LVRN: variants seen among roughly 807,000 people sequenced by gnomAD.
LVRN encodes aminopeptidase Q.
LVRN carries 99 observed loss-of-function variants against 111.4 expected under a neutral mutation model. The ratio of observed to expected loss-of-function variants is 0.89; its 90% confidence interval spans 0.76 to 1.05. LVRN has a LOEUF of 1.05. LVRN is among the 50% of genes least tolerant of loss of function. LVRN has a pLI of 0.00. For synonymous variants in LVRN, 488 were observed against 449.5 expected (o/e 1.09, Z -1.08); for missense variants, 1,414 against 1,206.8 (o/e 1.17, Z -2.54).
chr5:116,000,661 A>G lies in LVRN; in HGVS notation c.1647+3A>G, dbSNP rs748507848. On this transcript the variant is annotated splice_donor_region_variant and intron_variant, in intron 9 of 19. Coordinates refer to ENST00000357872, the MANE Select transcript of LVRN (RefSeq NM_173800.5). ...ATCTATGGAGGCATTTTCAAATGGT[A>G]ATTGTCCTACTTTCTGACACATTCT... 7 of 1,613,298 alleles carry G rather than the reference A, an allele frequency of 4.3e-6. No homozygotes were observed. The highest frequency in any genetic ancestry group is 5.9e-6 in the Non-Finnish European group (7 of 1,179,436).
At chr5:115,967,172 A>G (rs1753221020) in intron 1 of LVRN, among the ~76,000 whole-genome samples, 1 of 152,128 alleles carries the variant, frequency 6.6e-6, no homozygotes, top group African/African-American at 2.4e-5. Context: ...ATGAAGTCCA[A>G]TTTGTCTATT....
At position 115,963,115 on chromosome 5, in the gene LVRN, T is replaced by C; in HGVS notation, c.498T>C (p.Thr166=). ...TGCGGGGACCCCTTTCCCCGGGCACTGGGAACGCCACAGTGGGCCGCGTGC... is the reference window on the plus strand; with the variant it reads ...TGCGGGGACCCCTTTCCCCGGGCACCGGGAACGCCACAGTGGGCCGCGTGC... The part of the protein sequence containing the change: ...AEVRGPLSPG[T]GNATVGRVPV... The change falls in exon 1 of 20, where the codon ACT becomes ACC. Residue 166 remains threonine (T), a synonymous_variant. Coordinates refer to ENST00000357872, the MANE Select transcript of LVRN (RefSeq NM_173800.5). The C allele has an allele frequency of 4.3e-6, 7 of 1,613,532 alleles. No homozygotes were observed. The highest frequency in any genetic ancestry group is 1.3e-5 in the African/African-American group (1 of 75,056).
Position 116,026,000 on chromosome 5 carries a change from T to C in LVRN, c.2855T>C (p.Met952Thr), listed in dbSNP as rs755936360. Reference protein sequence around the residue: ...IVELQQFFSNMLEEHQRIRVH... With the variant: ...IVELQQFFSNTLEEHQRIRVH... Reference sequence around the variant, plus strand: ...CAGCTGCAGCAGTTTTTCAGTAACATGTTGGAGGAACACCAGAGGATCAGA... The same window carrying C: ...CAGCTGCAGCAGTTTTTCAGTAACACGTTGGAGGAACACCAGAGGATCAGA... Residue 952 changes from methionine to threonine, a missense_variant, in exon 20 of 20, where the codon ATG becomes ACG. By Grantham distance (81) the Met-to-Thr change is moderately conservative (BLOSUM62 -1). Transcript: ENST00000357872. The C allele has an allele frequency of 8.7e-6, 14 of 1,613,776 alleles. No individual in the cohort carries two copies. In the Admixed American group the frequency reaches 2.2e-4, roughly 25 times the overall value.
intron 5 of LVRN, 125 bp downstream of exon 5, chr5:115,992,402 G>A (rs1748016637): frequency 3.7e-6 from 4 of 1,094,254 alleles, no homozygotes; most frequent in African/African-American, 1.6e-5. Flanking sequence ...ACATCTCAAA[G>A]TATGACAGTG....
chr5:115,985,229 T>A (rs1747831211), intron 3 of LVRN, among the ~76,000 whole-genome samples: 1 of 152,100 alleles, frequency 6.6e-6, no homozygotes. Context: ...GAAATGGCCA[T>A]ATAAACAAAG....
At chr5:115,988,109 T>C (rs7736859) in intron 4 of LVRN, among the ~76,000 whole-genome samples, 170 bp downstream of exon 4, 147,053 of 152,254 alleles carry the variant, frequency 0.97, 71,041 homozygotes, top group East Asian at 1. Context: ...ACACAGAGGC[T>C]CACCTGCTCT....
chr5:115,969,642 G>A lies in LVRN; in HGVS notation c.695+6330G>A, dbSNP rs567505628. Among the ~76,000 whole-genome samples the A allele has an allele frequency of 9.9e-5, 15 of 151,120 alleles. No homozygotes were observed. In the South Asian group the frequency reaches 1.0e-3, roughly 11 times the overall value. ...GAAACCCCGTCTCTACTAAAAATAC[G>A]AAAAAAAATTATCCAGGTGTGGTGG... On this transcript the variant is annotated intron_variant, in intron 1 of 19. Transcript: ENST00000357872.
intron 4 of LVRN, among the ~76,000 whole-genome samples, chr5:115,988,938 G>A (rs948798708): frequency 3.3e-5 from 5 of 152,114 alleles, no homozygotes; most frequent in Non-Finnish European, 5.9e-5. Flanking sequence ...GAAGTCCAGA[G>A]TCATCCTTGA....
At chr5:115,971,328 C>T (rs1341859606) in intron 1 of LVRN, among the ~76,000 whole-genome samples, 2 of 152,132 alleles carry the variant, frequency 1.3e-5, no homozygotes, top group East Asian at 3.8e-4. Flanking sequence ...AGAAGTTTTA[C>T]ATTTTAATGA....
chr5:115,978,609 CT>C (rs1407843261), intron 1 of LVRN, among the ~76,000 whole-genome samples: 3 of 152,088 alleles, frequency 2.0e-5, no homozygotes, highest in Non-Finnish European at 4.4e-5. Context: ...ATATTCAAAC[CT>C]TTGAACTTAA....
chr5:115,981,190 A>C (rs1753552800), intron 1 of LVRN, among the ~76,000 whole-genome samples: 1 of 152,190 alleles, frequency 6.6e-6, no homozygotes, highest in South Asian at 2.1e-4. Flanking sequence ...CATTATAACA[A>C]ACTCTGCCAA....
chr5:115,967,417 T>G (rs1753226705), intron 1 of LVRN, among the ~76,000 whole-genome samples: 1 of 152,236 alleles, frequency 6.6e-6, no homozygotes, highest in Admixed American at 6.5e-5. Context: ...GAATTGCTTT[T>G]GCACCTTTGT....
chr5:116,014,333 C>A, intron 15 of LVRN, 87 bp from the exon 16 acceptor site: 1 of 967,526 alleles, frequency 1.0e-6, no homozygotes, highest in Non-Finnish European at 1.6e-6. Context: ...AAATACCCAT[C>A]TTTTTATGAA....
At chr5:115,999,299 T>C (rs1053600485) in intron 6 of LVRN, among the ~76,000 whole-genome samples, 4 of 152,268 alleles carry the variant, frequency 2.6e-5, no homozygotes, top group African/African-American at 9.6e-5. Context: ...GGATTTATTT[T>C]CAATTTTAAA....
Position 115,962,637 on chromosome 5 carries a change from C to G in LVRN, c.20C>G (p.Ser7Ter). The part of the protein sequence containing the change: MGPPSS[S>*]GFYVSRAVAL... ...CCTGCCATGGGGCCCCCTTCCAGCT[C>G]AGGCTTCTATGTGAGCCGCGCAGTG... Residue 7 changes from serine (S) to a stop codon, truncating the protein, a stop_gained, in exon 1 of 20, where the codon TCA becomes TGA. Coordinates refer to ENST00000357872, the MANE Select transcript of LVRN (RefSeq NM_173800.5). LOFTEE classifies it high-confidence loss of function. 6.2e-7 allele frequency: 1 copy of G among 1,602,188 alleles called. No individual in the cohort carries two copies. The highest frequency in any genetic ancestry group is 1.3e-5 in the African/African-American group (1 of 74,900).
At chr5:116,022,313 C>A in intron 18 of LVRN, 78 bp from the exon 19 acceptor site, 1 of 960,436 alleles carries the variant, frequency 1.0e-6, no homozygotes, top group South Asian at 1.4e-5. Context: ...ATACACTTGA[C>A]CTTCATCTGC....
Position 115,999,756 on chromosome 5 carries a change from T to G in LVRN, c.1375-6T>G. 2 of 1,612,976 alleles carry G rather than the reference T, an allele frequency of 1.2e-6. No homozygotes were observed. The highest frequency in any genetic ancestry group is 1.7e-6 in the Non-Finnish European group (2 of 1,179,514). On this transcript the variant is annotated splice_polypyrimidine_tract_variant and splice_region_variant and intron_variant, in intron 6 of 19. Coordinates refer to ENST00000357872, the MANE Select transcript of LVRN (RefSeq NM_173800.5). ...AGTTAATGTGCCTCCATCTTTTCCT[T>G]TATAGAATGAGATCTTTTTTTCTAA...
At chr5:116,000,109 A>T (rs758184275) in intron 7 of LVRN, among the ~76,000 whole-genome samples, 2 of 152,230 alleles carry the variant, frequency 1.3e-5, no homozygotes, top group Non-Finnish European at 2.9e-5. Context: ...GCTTGGGTCC[A>T]TCAACCATAG....
chr5:115,963,355 T>A, intron 1 of LVRN, 43 bp downstream of exon 1: 1 of 1,475,208 alleles, frequency 6.8e-7, no homozygotes. Flanking sequence ...CCCCCGCCCC[T>A]GCGTCCCGGT....
Sources: allele counts gnomAD v4.1 joint callset (sites outside exome capture counted in the v4.1 genomes callset), GRCh38; gene constraint gnomAD v4.1.1; transcripts MANE v1.5; gene names NCBI Gene and HGNC (gene_info 2026-07-23, HGNC 2026-07-21).